C12orf42: variants seen among roughly 807,000 people sequenced by gnomAD.
C12orf42 encodes the protein chromosome 12 open reading frame 42.
In C12orf42, 25 loss-of-function variants were observed where a neutral mutation model predicts 21.6. The ratio of observed to expected loss-of-function variants is 1.16; its 90% CI spans 0.84 to 1.62. The LOEUF (loss-of-function observed/expected upper bound fraction) is 1.62. Among genes scored for constraint, C12orf42 ranks in the 40% most tolerant of loss-of-function variants. C12orf42 has a pLI of 0.00. For synonymous variants in C12orf42, 174 were observed against 175.0 expected, an observed-to-expected ratio of 0.99 and a Z score of 0.05; for missense variants, 483 against 459.3, an observed-to-expected ratio of 1.05 and a Z score of -0.47.
the C12orf42 span, among the ~76,000 whole-genome samples, chr12:103,528,673 C>A: frequency 6.6e-6 from 1 of 152,178 alleles, no homozygotes; most frequent in African/African-American, 2.4e-5. Context: ...CCACCTGAGG[C>A]CCTCACCAGA....
At chr12:103,145,922 A>C in the C12orf42 span, among the ~76,000 whole-genome samples, 1 of 151,456 alleles carries the variant, frequency 6.6e-6, no homozygotes, top group East Asian at 1.9e-4. Context: ...ATGGATATAG[A>C]GTTTGTGTGA....
At chr12:103,341,112 CA>C (rs34154888) in intron 4 of C12orf42, among the ~76,000 whole-genome samples, 8,073 of 47,556 alleles carry the variant, frequency 0.17, 149 homozygotes, top group African/African-American at 0.26. Context: ...GACTCTGTCT[CA>C]AAAAAAAAAA....
At chr12:103,494,361 C>A (rs558147306) in intron 1 of C12orf42, among the ~76,000 whole-genome samples, 1 of 152,340 alleles carries the variant, frequency 6.6e-6, no homozygotes, top group African/African-American at 2.4e-5. Flanking sequence ...TTTCTGTACG[C>A]CTGTACAACA....
intron 4 of C12orf42, among the ~76,000 whole-genome samples, chr12:103,316,820 A>C (rs1384308547): frequency 6.6e-6 from 1 of 152,032 alleles, no homozygotes; most frequent in Non-Finnish European, 1.5e-5. Flanking sequence ...ACTGGAAAAA[A>C]AAAAAAGAAT....
At chr12:103,333,382 T>C (rs1267360357) in intron 4 of C12orf42, among the ~76,000 whole-genome samples, 19 of 152,246 alleles carry the variant, frequency 1.2e-4, no homozygotes, top group East Asian at 1.9e-4. Flanking sequence ...GCTCAATAAA[T>C]GTCAGTCATT....
At chr12:103,551,612 T>A in the C12orf42 span, among the ~76,000 whole-genome samples, 1 of 151,710 alleles carries the variant, frequency 6.6e-6, no homozygotes, top group Admixed American at 6.6e-5. Flanking sequence ...AGGTCAGGAG[T>A]TCAAGACCAG....
At chr12:103,147,623 C>G in the C12orf42 span, among the ~76,000 whole-genome samples, 1 of 99,314 alleles carries the variant, frequency 1.0e-5, no homozygotes. Context: ...TTCTCTCTCT[C>G]TTTTTTTTTT....
intron 4 of C12orf42, among the ~76,000 whole-genome samples, chr12:103,294,473 A>AGAAG (rs1566025507): frequency 5.5e-5 from 5 of 91,090 alleles, no homozygotes; most frequent in East Asian, 4.2e-4. Context: ...AAAGAAAGAA[A>AGAAG]TAAGCAAGCA....
At chr12:103,270,913 T>C (rs920592651) in intron 5 of C12orf42, among the ~76,000 whole-genome samples, 1 of 152,290 alleles carries the variant, frequency 6.6e-6, no homozygotes, top group South Asian at 2.1e-4. Flanking sequence ...TCTTCAGTTA[T>C]GATAATATCA....
intron 2 of C12orf42, among the ~76,000 whole-genome samples, chr12:103,475,468 A>G (rs1008979421): frequency 6.6e-6 from 1 of 152,250 alleles, no homozygotes; most frequent in African/African-American, 2.4e-5. Flanking sequence ...ATACCAGTGC[A>G]TGACAATTTT....
chr12:103,302,575 G>T lies in C12orf42; in HGVS notation c.632-16C>A. ...GCGGCAGAACCTGGAAGGCAAAGCA[G>T]GAAAGCAGGACAGAGATGAGGCTCA... On this transcript the variant is annotated splice_polypyrimidine_tract_variant and intron_variant, in intron 5 of 5. Transcript: ENST00000548883. The T allele has an allele frequency of 6.3e-7, 1 of 1,593,724 alleles. No homozygotes were observed. The highest frequency in any genetic ancestry group is 8.5e-7 in the Non-Finnish European group (1 of 1,172,626).
At position 103,401,656 on chromosome 12, in the gene C12orf42, G is replaced by A; in HGVS notation, c.98C>T (p.Pro33Leu). The A allele has an allele frequency of 6.2e-7, 1 of 1,613,744 alleles. No homozygotes were observed. ...CCACAGGGTGGCACTGCTCACAATG[G>A]GAATATAGCAAGGGGATTTCTGAAA... is the stretch of plus-strand genomic sequence containing the variant. ...NRMQKSPCYI[P>L]IVSSATLWDR... Residue 33 changes from proline to leucine, a missense_variant, in exon 3 of 6, where the codon CCC becomes CTC. Pro to Leu is a moderately conservative substitution (Grantham distance 98). Coordinates refer to ENST00000548883, the MANE Select transcript of C12orf42 (RefSeq NM_198521.5).
chr12:103,111,733 T>G, the C12orf42 span, among the ~76,000 whole-genome samples: 42 of 152,328 alleles, frequency 2.8e-4, no homozygotes, highest in East Asian at 5.6e-3. Context: ...CGAAGCACCC[T>G]TCAGAAGCAC....
At chr12:103,196,490 G>C in the C12orf42 span, among the ~76,000 whole-genome samples, 1 of 152,058 alleles carries the variant, frequency 6.6e-6, no homozygotes, top group Non-Finnish European at 1.5e-5. Flanking sequence ...AAGTATTTTT[G>C]TTAGTTTTCT....
the C12orf42 span, among the ~76,000 whole-genome samples, chr12:103,096,086 T>G: frequency 6.6e-6 from 1 of 152,186 alleles, no homozygotes; most frequent in Admixed American, 6.5e-5. Context: ...TCAAAGTAGT[T>G]CATGGTCTCA....
At chr12:103,226,451 G>A in the C12orf42 span, among the ~76,000 whole-genome samples, 1 of 152,194 alleles carries the variant, frequency 6.6e-6, no homozygotes, top group African/African-American at 2.4e-5. Context: ...ATCTCAGGTT[G>A]CTGCCAAACG....
chr12:103,494,976 G>A (rs1955422897), intron 1 of C12orf42, among the ~76,000 whole-genome samples: 1 of 152,234 alleles, frequency 6.6e-6, no homozygotes, highest in South Asian at 2.1e-4. Context: ...AGATCCTGAA[G>A]TGCGGGGTTG....
chr12:103,222,124 G>A, the C12orf42 span, among the ~76,000 whole-genome samples: 5 of 152,156 alleles, frequency 3.3e-5, no homozygotes, highest in African/African-American at 4.8e-5. Context: ...TTTCATGCGC[G>A]TCCCTGTGAA....
the C12orf42 span, among the ~76,000 whole-genome samples, chr12:103,512,981 G>A: frequency 1.1e-4 from 16 of 149,826 alleles, no homozygotes; most frequent in South Asian, 2.1e-4. Context: ...CAGCCTGGGC[G>A]ACAGAGTGAG....
Sources: gnomAD v4.1 joint callset for allele counts (sites outside exome capture counted in the v4.1 genomes callset) on GRCh38, gnomAD v4.1.1 for gene constraint, MANE v1.5 for transcripts, NCBI Gene and HGNC (gene_info 2026-07-23, HGNC 2026-07-21) for gene names.